HIPK3: variants seen among roughly 807,000 people sequenced by gnomAD.
HIPK3 encodes the protein homeodomain interacting protein kinase 3.
HIPK3 carries 47 observed loss-of-function variants against 124.2 expected under a neutral mutation model. The observed-to-expected ratio is 0.38, with a 90% CI of 0.30 to 0.48. HIPK3 has a LOEUF of 0.48. Ranked by LOEUF, HIPK3 falls within the 20% of genes least tolerant of loss-of-function variation. The pLI, the probability that HIPK3 is intolerant of heterozygous loss-of-function variation, is 0.98. For missense variants in HIPK3, 1,286 were observed against 1,454.3 expected (o/e 0.88, Z 1.88); for synonymous variants, 482 against 515.2 (o/e 0.94, Z 0.87).
intron 1 of HIPK3, among the ~76,000 whole-genome samples, chr11:33,276,499 G>A (rs904912502): frequency 2.0e-5 from 3 of 151,978 alleles, no homozygotes; most frequent in Non-Finnish European, 2.9e-5. Context: ...ATACAATCAC[G>A]TTCATATCTG....
chr11:33,289,733 G>A (rs998088263), intron 2 of HIPK3, among the ~76,000 whole-genome samples: 1 of 152,082 alleles, frequency 6.6e-6, no homozygotes, highest in Admixed American at 6.6e-5. Context: ...TGGTCACTCT[G>A]TTGTGCTATC....
At chr11:33,331,722 G>A (rs939673373) in intron 3 of HIPK3, among the ~76,000 whole-genome samples, 17 of 152,138 alleles carry the variant, frequency 1.1e-4, no homozygotes, top group African/African-American at 3.9e-4. Context: ...TACAGTGGCA[G>A]TGCAGTGGGC....
intron 2 of HIPK3, among the ~76,000 whole-genome samples, chr11:33,292,581 G>A (rs1193368227): frequency 6.6e-6 from 1 of 152,038 alleles, no homozygotes; most frequent in African/African-American, 2.4e-5. Flanking sequence ...CTCTCACTAA[G>A]CCACTCTTAA....
In HIPK3 at chr11:33,302,339, C is replaced by CTTTTTTTTTTTTTTTTTTT. The variant is rs374964013; in HGVS notation, c.1097+14830_1097+14831insTTTTTTTTTTTTTTTTTTT. Among the ~76,000 whole-genome samples the CTTTTTTTTTTTTTTTTTTT allele has an allele frequency of 5.0e-5, 6 of 121,140 alleles. 1 individual carries two copies. The highest frequency in any genetic ancestry group is 8.9e-5 in the African/African-American group (3 of 33,718). The allele number at this position is 121,140 out of a possible 152,430, so 79.5% of individuals were successfully genotyped here. A position where few individuals can be genotyped will look rare whatever the true frequency, so the allele number is the denominator to read the frequency against. On this transcript the variant is annotated intron_variant, in intron 2 of 16. Transcript: ENST00000303296. ...TGAACTTCTCTATGATAATTCCTTA[C>CTTTTTTTTTTTTTTTTTTT]TTCTTTTTTTTTTTTTTGAGAAGGA...
intron 6 of HIPK3, among the ~76,000 whole-genome samples, chr11:33,339,895 G>A (rs536452973): frequency 6.6e-6 from 1 of 152,046 alleles, no homozygotes; most frequent in Non-Finnish European, 1.5e-5. Flanking sequence ...ATCATATTTT[G>A]AGTCGTGCAA....
intron 3 of HIPK3, among the ~76,000 whole-genome samples, chr11:33,330,947 C>T (rs1295963192): frequency 6.6e-6 from 1 of 151,480 alleles, no homozygotes; most frequent in Non-Finnish European, 1.5e-5. Flanking sequence ...GCAGTGGTTC[C>T]ATCTCGGCTC....
chr11:33,260,877 T>C (rs1205478215), intron 1 of HIPK3, among the ~76,000 whole-genome samples: 1 of 152,098 alleles, frequency 6.6e-6, no homozygotes, highest in East Asian at 1.9e-4. Context: ...TGTCCAAAGT[T>C]GAGACTCCCA....
At chr11:33,348,078 C>T in intron 11 of HIPK3, 65 bp downstream of exon 11, 2 of 1,606,868 alleles carry the variant, frequency 1.2e-6, no homozygotes, top group Non-Finnish European at 1.7e-6. Flanking sequence ...TTTGCATGTA[C>T]TCTAAAGGGT....
intron 1 of HIPK3, among the ~76,000 whole-genome samples, chr11:33,283,129 G>T (rs868593133): frequency 0.012 from 1,592 of 129,154 alleles, 7 homozygotes; most frequent in Non-Finnish European, 0.017. Flanking sequence ...TTTTTTTTTT[G>T]AGACGGAGTC....
chr11:33,258,959 T>G (rs2133856249), intron 1 of HIPK3, among the ~76,000 whole-genome samples: 1 of 152,256 alleles, frequency 6.6e-6, no homozygotes, highest in African/African-American at 2.4e-5. Flanking sequence ...GGAAAGCGCA[T>G]GGTTGGCTCT....
In HIPK3 at chr11:33,341,507, A is replaced by G. The variant is rs1853333287; in HGVS notation, c.1774-56A>G. 2.1e-6 allele frequency: 3 copies of G among 1,457,626 alleles called. No homozygotes were observed. The Admixed American group carries it at 6.9e-5, about 34-fold the overall frequency. 90.3% of individuals were successfully genotyped at this position (1,457,626 alleles called of 1,614,324 possible). Reference sequence around the variant, plus strand: ...AGAAATGTGTTTGAATTCTATTTATACAGCGTGTATATTTCATTTAGAAGA... The same window carrying G: ...AGAAATGTGTTTGAATTCTATTTATGCAGCGTGTATATTTCATTTAGAAGA... On this transcript the variant is annotated intron_variant, in intron 7 of 16. Coordinates refer to ENST00000303296, the MANE Select transcript of HIPK3 (RefSeq NM_005734.5).
chr11:33,292,182 G>C (rs989249894), intron 2 of HIPK3, among the ~76,000 whole-genome samples: 6 of 152,146 alleles, frequency 3.9e-5, no homozygotes, highest in African/African-American at 1.2e-4. Context: ...GGGTAGTTAA[G>C]ACTGGGTGGC....
At chr11:33,306,502 A>C (rs1216975795) in intron 2 of HIPK3, among the ~76,000 whole-genome samples, 2 of 152,206 alleles carry the variant, frequency 1.3e-5, no homozygotes, top group Non-Finnish European at 2.9e-5. Context: ...AAACCATGAA[A>C]CAATATACTT....
chr11:33,307,402 T>TG (rs1852194108), intron 2 of HIPK3, among the ~76,000 whole-genome samples: 1 of 144,556 alleles, frequency 6.9e-6, no homozygotes, highest in Non-Finnish European at 1.5e-5. Context: ...TATGAAGTGT[T>TG]TTTTTTTTTT....
intron 8 of HIPK3, 34 bp downstream of exon 8, chr11:33,341,720 G>A (rs181405818): frequency 7.5e-5 from 117 of 1,550,856 alleles, no homozygotes; most frequent in Admixed American, 3.5e-4. Context: ...TTTGAATCTA[G>A]GCATGCTTTA....
chr11:33,291,969 T>C (rs1851710314), intron 2 of HIPK3, among the ~76,000 whole-genome samples: 1 of 152,212 alleles, frequency 6.6e-6, no homozygotes, highest in African/African-American at 2.4e-5. Flanking sequence ...TGTTCTTTCA[T>C]GGCATTCTTA....
At chr11:33,286,055 A>T (rs1851541093) in intron 1 of HIPK3, among the ~76,000 whole-genome samples, 1 of 152,096 alleles carries the variant, frequency 6.6e-6, no homozygotes. Context: ...GATTACAGGG[A>T]TCTATACTTT....
intron 1 of HIPK3, among the ~76,000 whole-genome samples, chr11:33,270,736 AC>A (rs1423330626): frequency 5.3e-5 from 8 of 152,274 alleles, no homozygotes; most frequent in Admixed American, 4.6e-4. Context: ...TAGGTGGATC[AC>A]TTTTGCACAG....
chr11:33,356,091 CAG>C lies in HIPK3; in HGVS notation c.*2526_*2527del, dbSNP rs972497643. The C allele has an allele frequency of 3.9e-5, 6 of 151,978 alleles. No homozygotes were observed. The highest frequency in any genetic ancestry group is 4.1e-4 in the South Asian group (2 of 4,822). The allele number at this position is 151,978 out of a possible 1,614,324, so 9.4% of individuals were successfully genotyped here. ...TGTATCACAACAGGTACAAAACTGACAGAGTTTTCTTTTTGTTTAGGGCCATG... is the reference window on the plus strand; with the variant it reads ...TGTATCACAACAGGTACAAAACTGACAGTTTTCTTTTTGTTTAGGGCCATG... On this transcript the variant is annotated 3_prime_UTR_variant, in exon 17 of 17. Coordinates refer to ENST00000303296, the MANE Select transcript of HIPK3 (RefSeq NM_005734.5).
Sources: allele counts gnomAD v4.1 joint callset (sites outside exome capture counted in the v4.1 genomes callset), GRCh38; gene constraint gnomAD v4.1.1; transcripts MANE v1.5; gene names NCBI Gene and HGNC (gene_info 2026-07-23, HGNC 2026-07-21).